MCTP1: variants seen among roughly 807,000 people sequenced by gnomAD.
The protein encoded by MCTP1 is multiple C2 and transmembrane domain-containing protein 1.
MCTP1 carries 69 observed loss-of-function variants against 120.6 expected under a neutral mutation model. That is an observed-to-expected ratio of 0.57 (90% CI 0.47 to 0.70). The LOEUF is 0.70. Ranked by LOEUF, MCTP1 falls within the 30% of genes least tolerant of loss-of-function variation. The probability of loss-of-function intolerance (pLI) is 0.00; values close to 1 mark genes in which losing one functional copy is unlikely to be tolerated. For missense variants in MCTP1, 1,203 were observed against 1,248.8 expected (o/e 0.96, Z 0.55); for synonymous variants, 529 against 493.1 (o/e 1.07, Z -0.96).
chr5:95,103,083 T>C (rs979789917), intron 1 of MCTP1, among the ~76,000 whole-genome samples: 1 of 151,978 alleles, frequency 6.6e-6, no homozygotes, highest in Non-Finnish European at 1.5e-5. Context: ...ATTTAATATA[T>C]ACTTAACAAA....
chr5:94,874,435 C>A (rs987724131), intron 12 of MCTP1, among the ~76,000 whole-genome samples: 7 of 152,166 alleles, frequency 4.6e-5, no homozygotes, highest in African/African-American at 1.7e-4. Flanking sequence ...TTTGACTCAC[C>A]TTTAATTTAT....
intron 2 of MCTP1, among the ~76,000 whole-genome samples, chr5:94,965,798 C>T (rs1333003005): frequency 1.3e-5 from 2 of 152,098 alleles, no homozygotes; most frequent in African/African-American, 2.4e-5. Flanking sequence ...GACTCTATCA[C>T]GAATAGAATA....
chr5:94,960,264 T>C (rs1823799985), intron 2 of MCTP1, among the ~76,000 whole-genome samples: 1 of 152,128 alleles, frequency 6.6e-6, no homozygotes, highest in African/African-American at 2.4e-5. Context: ...TATACAAAAA[T>C]TAACTCAGGA....
intron 19 of MCTP1, among the ~76,000 whole-genome samples, chr5:94,778,617 G>C (rs1262950403): frequency 6.6e-6 from 1 of 152,146 alleles, no homozygotes; most frequent in Non-Finnish European, 1.5e-5. Flanking sequence ...ACCTCGGCAA[G>C]GGCGGTGAGC....
intron 1 of MCTP1, among the ~76,000 whole-genome samples, chr5:95,143,382 C>G (rs1760102505): frequency 6.6e-6 from 1 of 151,964 alleles, no homozygotes; most frequent in South Asian, 2.1e-4. Flanking sequence ...TTTCTAGGAG[C>G]CAGAAATGCA....
intron 20 of MCTP1, among the ~76,000 whole-genome samples, chr5:94,713,518 T>C (rs1319761137): frequency 2.0e-5 from 3 of 152,168 alleles, no homozygotes; most frequent in Non-Finnish European, 4.4e-5. Context: ...ATCAGCACAC[T>C]GTGTACCCCA....
chr5:94,763,647 TA>T lies in MCTP1; in HGVS notation c.2610+15462del, dbSNP rs373134083. ...CACACAATGACTCCTGGAAGGCTCATACTGTGTCGCATTCATCTGTGTCTAC... is the reference window on the plus strand; with the variant it reads ...CACACAATGACTCCTGGAAGGCTCATCTGTGTCGCATTCATCTGTGTCTAC... On this transcript the variant is annotated intron_variant, in intron 19 of 22. Transcript: ENST00000515393. Among the ~76,000 whole-genome samples, 241 of 152,330 alleles carry T rather than the reference TA, an allele frequency of 1.6e-3. 1 individual carries two copies. The highest frequency in any genetic ancestry group is 5.6e-3 in the African/African-American group (234 of 41,576).
chr5:94,999,537 T>C (rs538933737), intron 2 of MCTP1, among the ~76,000 whole-genome samples: 1 of 152,314 alleles, frequency 6.6e-6, no homozygotes, highest in Admixed American at 6.5e-5. Flanking sequence ...GTGTCAGATA[T>C]TATAGACAGA....
chr5:95,059,002 A>G (rs115741254), intron 1 of MCTP1, among the ~76,000 whole-genome samples: 1,794 of 152,256 alleles, frequency 0.012, 13 homozygotes, highest in Middle Eastern at 0.02. Flanking sequence ...ACAAGCATAT[A>G]CATGCAAGAA....
At chr5:95,101,696 G>A (rs556957649) in intron 1 of MCTP1, among the ~76,000 whole-genome samples, 1 of 152,334 alleles carries the variant, frequency 6.6e-6, no homozygotes, top group East Asian at 1.9e-4. Flanking sequence ...GCATTAGTTA[G>A]TGATCCCACT....
At chr5:95,179,614 G>A (rs577809515) in intron 1 of MCTP1, among the ~76,000 whole-genome samples, 1 of 152,272 alleles carries the variant, frequency 6.6e-6, no homozygotes, top group African/African-American at 2.4e-5. Context: ...GTCTTTTCCA[G>A]ACATAACAAA....
intron 18 of MCTP1, among the ~76,000 whole-genome samples, chr5:94,780,520 C>A (rs1410794045): frequency 6.6e-6 from 1 of 152,084 alleles, no homozygotes; most frequent in Admixed American, 6.6e-5. Flanking sequence ...TAATGTCATG[C>A]TTTAAATCTT....
rs180725346 is a variant in MCTP1 at position 94,734,059 on chromosome 5, C to T, written c.2611-19173G>A. On this transcript the variant is annotated intron_variant, in intron 19 of 22. Coordinates refer to ENST00000515393, the MANE Select transcript of MCTP1 (RefSeq NM_024717.7). ...AACCCCAATTCTAGTTCTGTGATCT[C>T]TCAAACGTGTAGAGTGATATTGTAA... Among the ~76,000 whole-genome samples the T allele has an allele frequency of 1.8e-4, 28 of 152,264 alleles. 1 individual carries two copies. The highest frequency in any genetic ancestry group is 6.5e-4 in the African/African-American group (27 of 41,560).
intron 1 of MCTP1, among the ~76,000 whole-genome samples, chr5:95,223,872 A>G (rs1178089171): frequency 6.6e-6 from 1 of 152,216 alleles, no homozygotes; most frequent in Non-Finnish European, 1.5e-5. Context: ...AATTGTCCCT[A>G]CAACTGTTTA....
At chr5:94,790,644 C>G (rs1778695602) in intron 18 of MCTP1, among the ~76,000 whole-genome samples, 1 of 152,140 alleles carries the variant, frequency 6.6e-6, no homozygotes, top group Non-Finnish European at 1.5e-5. Flanking sequence ...TAAGCAGCAA[C>G]TATATGAAAC....
At chr5:94,815,238 A>T (rs1784278388) in intron 17 of MCTP1, among the ~76,000 whole-genome samples, 1 of 152,200 alleles carries the variant, frequency 6.6e-6, no homozygotes. Flanking sequence ...AAATTCTAGG[A>T]TAACCCCATA....
At chr5:94,731,346 T>G (rs1371866752) in intron 19 of MCTP1, among the ~76,000 whole-genome samples, 1 of 152,214 alleles carries the variant, frequency 6.6e-6, no homozygotes, top group African/African-American at 2.4e-5. Context: ...CTTAGAATTC[T>G]TATTTGCTTA....
chr5:94,837,029 GA>G (rs1174970352), intron 17 of MCTP1, among the ~76,000 whole-genome samples: 1 of 152,060 alleles, frequency 6.6e-6, no homozygotes, highest in Non-Finnish European at 1.5e-5. Context: ...GGGTTTGACA[GA>G]AGCAAAAATG....
intron 2 of MCTP1, among the ~76,000 whole-genome samples, chr5:94,965,303 G>A (rs1825319851): frequency 6.6e-6 from 1 of 152,176 alleles, no homozygotes; most frequent in South Asian, 2.1e-4. Context: ...CTGTGGGGAA[G>A]TCAGATATCC....
Sources: allele counts gnomAD v4.1 joint callset (sites outside exome capture counted in the v4.1 genomes callset), GRCh38; gene constraint gnomAD v4.1.1; transcripts MANE v1.5; gene names NCBI Gene and HGNC (gene_info 2026-07-23, HGNC 2026-07-21).